Variants in DIS3L2 observed in about 807,000 individuals in gnomAD.
DIS3L2 encodes DIS3 like 3'-5' exoribonuclease 2.
Under a neutral mutation model 97.5 loss-of-function variants are expected in DIS3L2, and 34 were observed. The observed-to-expected ratio is 0.35, with a 90% CI of 0.27 to 0.46. The LOEUF (loss-of-function observed/expected upper bound fraction) is 0.46. Among genes scored for constraint, DIS3L2 ranks in the 20% least tolerant of loss-of-function variants. The pLI, the probability that DIS3L2 is intolerant of heterozygous loss-of-function variation, is 1.00. For missense variants in DIS3L2, 1,038 were observed against 1,146.0 expected (o/e 0.91, Z 1.36); for synonymous variants, 435 against 445.2 (o/e 0.98, Z 0.29).
intron 8 of DIS3L2, among the ~76,000 whole-genome samples, chr2:232,142,661 A>G (rs949229585): frequency 6.6e-6 from 1 of 152,138 alleles, no homozygotes; most frequent in African/African-American, 2.4e-5. Flanking sequence ...TTCACTGATA[A>G]AAACACCGTT....
chr2:232,206,562 A>T (rs562820454), intron 9 of DIS3L2, among the ~76,000 whole-genome samples: 1 of 152,210 alleles, frequency 6.6e-6, no homozygotes, highest in Non-Finnish European at 1.5e-5. Context: ...TCATTTAAAC[A>T]TGCAAAAACT....
intron 6 of DIS3L2, among the ~76,000 whole-genome samples, chr2:232,105,452 A>C (rs184842546): frequency 2.0e-5 from 3 of 152,180 alleles, no homozygotes; most frequent in African/African-American, 7.2e-5. Flanking sequence ...TCTTTATTCA[A>C]ATATAACTGG....
intron 8 of DIS3L2, among the ~76,000 whole-genome samples, chr2:232,140,335 C>T (rs1698474225): frequency 6.6e-6 from 1 of 152,092 alleles, no homozygotes; most frequent in Admixed American, 6.6e-5. Flanking sequence ...TTTTACTTGG[C>T]CATGAACTCC....
At chr2:232,341,924 C>G (rs1342553015), downstream of DIS3L2, among the ~76,000 whole-genome samples, 2 of 152,236 alleles carry the variant, frequency 1.3e-5, no homozygotes, top group Admixed American at 1.3e-4. Flanking sequence ...GGCAGCCACG[C>G]AGACCCCCAA....
rs1195026582 is a variant in DIS3L2 at position 232,099,950 on chromosome 2, CT to C, written c.601+12235del. ...TCTATATTTTAATTATTTGAATCTT[CT>C]TTTTTCTTTGATAACTCTTGCTCAT... On this transcript the variant is annotated intron_variant, in intron 6 of 20. Coordinates refer to ENST00000325385, the MANE Select transcript of DIS3L2 (RefSeq NM_152383.5). Among the ~76,000 whole-genome samples the C allele has an allele frequency of 2.6e-5, 4 of 152,088 alleles. No homozygotes were observed. The East Asian group carries it at 7.7e-4, about 29-fold the overall frequency.
At chr2:231,976,567 T>C (rs1185704241) in intron 1 of DIS3L2, among the ~76,000 whole-genome samples, 1 of 151,118 alleles carries the variant, frequency 6.6e-6, no homozygotes, top group African/African-American at 2.4e-5. Flanking sequence ...AGGTGGAGGT[T>C]GTAGTGAGCT....
At position 232,121,675 on chromosome 2, in the gene DIS3L2, A is replaced by G. The variant is rs111533539; in HGVS notation, c.602-8944A>G. 1.2e-4 allele frequency among the ~76,000 whole-genome samples: 19 copies of G among 152,272 alleles called. 2 individuals are homozygous for G. Among genetic ancestry groups the G allele is most frequent in the African/African-American group, 4.3e-4 (18 of 41,542 alleles). ...AATCACCTGGAAGGCTCGTGAAGCT[A>G]CAGAGTACTGGCCCGCAACCCCAGA... is the stretch of plus-strand genomic sequence containing the variant. On this transcript the variant is annotated intron_variant, in intron 6 of 20. Coordinates refer to ENST00000325385, the MANE Select transcript of DIS3L2 (RefSeq NM_152383.5).
intron 10 of DIS3L2, among the ~76,000 whole-genome samples, chr2:232,228,918 T>G (rs1250661168): frequency 6.6e-6 from 1 of 152,248 alleles, no homozygotes; most frequent in African/African-American, 2.4e-5. Context: ...CATTTTTTAT[T>G]TTATACTTTT....
chr2:232,255,048 C>T lies in DIS3L2; in HGVS notation c.1425+5702C>T, dbSNP rs1574974772. Among the ~76,000 whole-genome samples the T allele has an allele frequency of 5.3e-5, 8 of 152,324 alleles. 3 individuals carry two copies. The highest frequency in any genetic ancestry group is 5.2e-4 in the Admixed American group (8 of 15,296). ...AATCAAGATGCATGAAATGAGAGGT[C>T]AGATTCCAGACTCACATCCAAGGGA... On this transcript the variant is annotated intron_variant, in intron 12 of 20. Transcript: ENST00000325385.
intron 8 of DIS3L2, 24 bp from the exon 9 acceptor site, chr2:232,163,434 TA>T: frequency 2.5e-6 from 4 of 1,604,028 alleles, no homozygotes; most frequent in South Asian, 1.1e-5. Context: ...CTAACCCAGT[TA>T]TTCCGTTTCT....
chr2:232,171,361 A>T (rs1289743104), intron 9 of DIS3L2, among the ~76,000 whole-genome samples: 1 of 152,172 alleles, frequency 6.6e-6, no homozygotes, highest in Non-Finnish European at 1.5e-5. Context: ...TGAACTAGGT[A>T]TTTCAAACCC....
intron 14 of DIS3L2, 23 bp from the exon 15 acceptor site, chr2:232,329,790 C>CAGGG: frequency 6.3e-6 from 2 of 315,332 alleles, no homozygotes; most frequent in Admixed American, 4.7e-5. Context: ...AGCGGTCCCT[C>CAGGG]CCATCCCACC....
chr2:232,215,153 AT>A (rs1166416081), intron 10 of DIS3L2, among the ~76,000 whole-genome samples: 1 of 152,218 alleles, frequency 6.6e-6, no homozygotes, highest in Non-Finnish European at 1.5e-5. Flanking sequence ...CTTTCTGGAA[AT>A]TGGAGTTTAC....
At chr2:232,219,795 A>C (rs1574953304) in intron 10 of DIS3L2, among the ~76,000 whole-genome samples, 1 of 149,640 alleles carries the variant, frequency 6.7e-6, no homozygotes, top group African/African-American at 2.5e-5. Flanking sequence ...CATTTCCTCC[A>C]CCTCCCTCCT....
At chr2:232,120,614 C>T (rs1279453659) in intron 6 of DIS3L2, among the ~76,000 whole-genome samples, 1 of 152,210 alleles carries the variant, frequency 6.6e-6, no homozygotes, top group Non-Finnish European at 1.5e-5. Context: ...ATGTCATTCG[C>T]TTTCAGGCCT....
Position 232,009,594 on chromosome 2 carries a change from G to T in DIS3L2, c.-93-5241G>T, listed in dbSNP as rs1468230108. 4.6e-5 allele frequency among the ~76,000 whole-genome samples: 7 copies of T among 152,192 alleles called. No homozygotes were observed. The East Asian group carries it at 1.3e-3, about 29-fold the overall frequency. On this transcript the variant is annotated intron_variant, in intron 1 of 20. Coordinates refer to ENST00000325385, the MANE Select transcript of DIS3L2 (RefSeq NM_152383.5). ...AACAACGAGCTTCCCTTTGTCATTG[G>T]TTTTTGTGAGGCTTGGAGAATGCAT...
intron 8 of DIS3L2, among the ~76,000 whole-genome samples, chr2:232,163,063 G>A (rs958826237): frequency 6.6e-6 from 1 of 152,038 alleles, no homozygotes; most frequent in African/African-American, 2.4e-5. Flanking sequence ...TTGTGAAATA[G>A]GAACATCAGA....
intron 9 of DIS3L2, among the ~76,000 whole-genome samples, chr2:232,171,493 C>A (rs1690990015): frequency 6.6e-6 from 1 of 152,146 alleles, no homozygotes. Flanking sequence ...CCGCATTTAT[C>A]TGACAAATAA....
chr2:232,155,455 A>T (rs1255880520), intron 8 of DIS3L2, among the ~76,000 whole-genome samples: 1 of 152,290 alleles, frequency 6.6e-6, no homozygotes, highest in East Asian at 1.9e-4. Flanking sequence ...GGCTTATGAG[A>T]ACTATATTCC....
Sources: allele counts gnomAD v4.1 joint callset (sites outside exome capture counted in the v4.1 genomes callset), GRCh38; gene constraint gnomAD v4.1.1; transcripts MANE v1.5; gene names NCBI Gene and HGNC (gene_info 2026-07-23, HGNC 2026-07-21).